Variants in RNF141 observed in about 807,000 individuals in gnomAD.
The protein encoded by RNF141 is ring finger protein 141.
Under a neutral mutation model 27.4 loss-of-function variants are expected in RNF141, and 18 were observed. The ratio of observed to expected loss-of-function variants is 0.66; its 90% CI spans 0.45 to 0.97. The LOEUF is 0.97. Ranked by LOEUF, RNF141 falls within the 50% of genes least tolerant of loss-of-function variation. The probability of loss-of-function intolerance (pLI) is 0.00; values close to 1 mark genes in which losing one functional copy is unlikely to be tolerated. For synonymous variants in RNF141, 97 were observed against 96.6 expected (o/e 1.00, Z -0.02); for missense variants, 230 against 279.4 (o/e 0.82, Z 1.26).
At chr11:10,520,135 C>A (rs1849876557) in intron 4 of RNF141, among the ~76,000 whole-genome samples, 1 of 152,134 alleles carries the variant, frequency 6.6e-6, no homozygotes, top group African/African-American at 2.4e-5. Flanking sequence ...AGTGTACAGA[C>A]TTTATGAACA....
At chr11:10,536,917 T>A (rs1850042343) in intron 1 of RNF141, among the ~76,000 whole-genome samples, 1 of 152,248 alleles carries the variant, frequency 6.6e-6, no homozygotes, top group African/African-American at 2.4e-5. Context: ...GAAAAGTCTG[T>A]ATTCAGCTCT....
At chr11:10,518,980 T>C (rs1312167269) in intron 5 of RNF141, 54 bp downstream of exon 5, 2 of 1,366,572 alleles carry the variant, frequency 1.5e-6, no homozygotes, top group Non-Finnish European at 2.1e-6. Context: ...AGTTTATTCA[T>C]GTACACTATC....
chr11:10,525,885 C>T (rs1421256134), intron 3 of RNF141, among the ~76,000 whole-genome samples: 1 of 152,074 alleles, frequency 6.6e-6, no homozygotes, highest in Admixed American at 6.6e-5. Context: ...GGACTTTTCC[C>T]AGAAGGCCAT....
rs535317424 is a variant in RNF141 at position 10,537,563 on chromosome 11, G to C, written c.-47-3358C>G. ...TCTGCTCTCTGAGGTCTCCAGCTGG[G>C]CCCAAGAATTAAACTAACCTAAGAC... On this transcript the variant is annotated intron_variant, in intron 1 of 5. Transcript: ENST00000265981. Among the ~76,000 whole-genome samples the C allele has an allele frequency of 1.1e-4, 16 of 152,076 alleles. No individual in the cohort carries two copies. The East Asian group carries it at 2.9e-3, about 28-fold the overall frequency.
chr11:10,524,136 C>A (rs754999415), intron 4 of RNF141, among the ~76,000 whole-genome samples: 2 of 152,142 alleles, frequency 1.3e-5, no homozygotes, highest in Non-Finnish European at 2.9e-5. Flanking sequence ...AACCACTGGC[C>A]GGGCATGGTG....
In RNF141 at chr11:10,514,950, A is replaced by T; in HGVS notation, c.659T>A (p.Met220Lys). 6.2e-7 allele frequency: 1 copy of T among 1,613,806 alleles called. No homozygotes were observed. Among genetic ancestry groups the T allele is most frequent in the Non-Finnish European group, 8.5e-7 (1 of 1,179,874 alleles). The part of the protein sequence containing the change: ...EDDMANYILN[M>K]ADEAGQPHRP ...GTGGGGCTGGCCTGCCTCATCAGCC[A>T]TGTTAAGAATATAGTTAGCCATATC... Residue 220 changes from methionine to lysine, a missense_variant, in exon 6 of 6, where the codon ATG becomes AAG. Coordinates refer to ENST00000265981, the MANE Select transcript of RNF141 (RefSeq NM_016422.4).
chr11:10,515,628 C>T lies in RNF141; in HGVS notation c.543-562G>A, dbSNP rs1476379924. Reference sequence around the variant, plus strand: ...AAAGTGTCAAGTATAAATGCTTATTCGTGATTATTTAAATGGAAGCCATTA... The same window carrying T: ...AAAGTGTCAAGTATAAATGCTTATTTGTGATTATTTAAATGGAAGCCATTA... On this transcript the variant is annotated intron_variant, in intron 5 of 5. Transcript: ENST00000265981. The T allele has an allele frequency of 3.3e-5, 5 of 152,066 alleles. 1 individual carries two copies. Among genetic ancestry groups the T allele is most frequent in the Admixed American group, 1.3e-4 (2 of 15,268 alleles). The allele number at this position is 152,066 out of a possible 1,614,324, so 9.4% of individuals were successfully genotyped here.
intron 2 of RNF141, among the ~76,000 whole-genome samples, chr11:10,532,504 C>T (rs1849995622): frequency 1.1e-5 from 1 of 90,988 alleles, no homozygotes; most frequent in African/African-American, 3.9e-5. Context: ...TCTACACACA[C>T]ACACACACAC....
intron 1 of RNF141, among the ~76,000 whole-genome samples, chr11:10,539,144 T>TC (rs774168894): frequency 4.1e-4 from 63 of 152,354 alleles, no homozygotes; most frequent in Middle Eastern, 3.4e-3. Flanking sequence ...ACATAGTGAA[T>TC]CACTTATTTT....
chr11:10,523,735 A>T lies in RNF141; in HGVS notation c.434+1457T>A, dbSNP rs530718837. On this transcript the variant is annotated intron_variant, in intron 4 of 5. Coordinates refer to ENST00000265981, the MANE Select transcript of RNF141 (RefSeq NM_016422.4). ...CACCTTTACCTTCTTCATTAAGAAG[A>T]CTGTAACAAGAAAAAAACAATACTT... Among the ~76,000 whole-genome samples the T allele has an allele frequency of 8.4e-5, 9 of 106,520 alleles. No homozygotes were observed. The South Asian group carries it at 3.3e-3, about 40-fold the overall frequency. 69.9% of individuals were successfully genotyped at this position (106,520 alleles called of 152,430 possible).
At chr11:10,533,853 A>G (rs1850010418) in intron 2 of RNF141, among the ~76,000 whole-genome samples, 163 bp downstream of exon 2, 1 of 152,162 alleles carries the variant, frequency 6.6e-6, no homozygotes, top group Non-Finnish European at 1.5e-5. Context: ...AAAGCTACAT[A>G]GAAAGTCAAC....
rs66565702 is a variant in RNF141 at position 10,539,699 on chromosome 11, TTA to T, written c.-48+1421_-48+1422del. On this transcript the variant is annotated intron_variant, in intron 1 of 5. Coordinates refer to ENST00000265981, the MANE Select transcript of RNF141 (RefSeq NM_016422.4). Reference sequence around the variant, plus strand: ...TCAGAAAAAGATACATACATATATATTAGAGAGAGAAGGAGAGAGAAACTACA... The same window carrying T: ...TCAGAAAAAGATACATACATATATATGAGAGAGAAGGAGAGAGAAACTACA... 3.7e-4 allele frequency among the ~76,000 whole-genome samples: 27 copies of T among 73,690 alleles called. 6 individuals are homozygous for T. Among genetic ancestry groups the T allele is most frequent in the Admixed American group, 2.0e-3 (11 of 5,510 alleles). 48.3% of individuals were successfully genotyped at this position (73,690 alleles called of 152,430 possible). A position where few individuals can be genotyped will look rare whatever the true frequency, so the allele number is the denominator to read the frequency against.
At position 10,525,219 on chromosome 11, in the gene RNF141, G is replaced by C. The variant is rs1046513319; in HGVS notation, c.407C>G (p.Ser136Cys). ...TCCCATCCAAAGACTAGCCTGACAAGATGTTACAGAGGATGAGTTTTCATC... is the reference window on the plus strand; with the variant it reads ...TCCCATCCAAAGACTAGCCTGACAACATGTTACAGAGGATGAGTTTTCATC... ...EPDENSSSVT[S>C]CQASLWMGRV... The change falls in exon 4 of 6, where the codon TCT (serine) becomes TGT (cysteine). Residue 136 changes from serine to cysteine, a missense_variant. Ser to Cys is a moderately radical substitution (Grantham distance 112). Transcript: ENST00000265981. 3.5e-5 allele frequency: 57 copies of C among 1,609,364 alleles called. No individual in the cohort carries two copies. The highest frequency in any genetic ancestry group is 4.8e-5 in the Non-Finnish European group (57 of 1,178,032).
In RNF141 at chr11:10,512,252, A is replaced by C. The variant is rs553304702; in HGVS notation, c.*2664T>G. The C allele has an allele frequency of 6.5e-6, 1 of 152,810 alleles. No individual in the cohort carries two copies. The highest frequency in any genetic ancestry group is 1.5e-5 in the Non-Finnish European group (1 of 68,038). 9.5% of individuals were successfully genotyped at this position (152,810 alleles called of 1,614,324 possible). ...AAAGTGTACATTTCATCCATTAAAC[A>C]AATTTACAACTTTTACGATTAGTTA... On this transcript the variant is annotated 3_prime_UTR_variant, in exon 6 of 6. Coordinates refer to ENST00000265981, the MANE Select transcript of RNF141 (RefSeq NM_016422.4).
intron 2 of RNF141, chr11:10,532,049 C>T: frequency 2.3e-6 from 1 of 443,976 alleles, no homozygotes; most frequent in Non-Finnish European, 4.5e-6. Context: ...CTGTATCACA[C>T]AGTAAGCTTA....
chr11:10,536,532 GTT>G (rs1850038734), intron 1 of RNF141, among the ~76,000 whole-genome samples: 1 of 152,174 alleles, frequency 6.6e-6, no homozygotes, highest in Non-Finnish European at 1.5e-5. Flanking sequence ...ATGACTAAAA[GTT>G]ATATCCTGAA....
In RNF141 at chr11:10,512,066, G is replaced by A. The variant is rs968959957; in HGVS notation, c.*2850C>T. On this transcript the variant is annotated 3_prime_UTR_variant, in exon 6 of 6. Transcript: ENST00000265981. ...TCAAACTAAGGTTCTATACATAATC[G>A]GAGTAAACCCTCTGTTACTGAGTTA... The A allele has an allele frequency of 5.2e-5, 8 of 152,464 alleles. No homozygotes were observed. In the East Asian group the frequency reaches 9.6e-4, roughly 18 times the overall value. 9.4% of individuals were successfully genotyped at this position (152,464 alleles called of 1,614,324 possible).
intron 1 of RNF141, among the ~76,000 whole-genome samples, chr11:10,534,982 T>C (rs1354343044): frequency 6.6e-6 from 1 of 152,082 alleles, no homozygotes; most frequent in East Asian, 1.9e-4. Context: ...GATAGCTCTT[T>C]TGTTCATTAA....
chr11:10,531,158 C>T (rs189167758), intron 2 of RNF141, among the ~76,000 whole-genome samples: 1,868 of 152,110 alleles, frequency 0.012, 18 homozygotes, highest in Non-Finnish European at 0.018. Flanking sequence ...AGGCAGATCA[C>T]GAGGTCAGGA....
Sources: allele counts gnomAD v4.1 joint callset (sites outside exome capture counted in the v4.1 genomes callset), GRCh38; gene constraint gnomAD v4.1.1; transcripts MANE v1.5; gene names NCBI Gene and HGNC (gene_info 2026-07-23, HGNC 2026-07-21).